The following LPAR1 variants were observed in gnomAD, a reference collection of about 807,000 sequenced individuals.
LPAR1 encodes lysophosphatidic acid receptor 1.
A neutral mutation model predicts 23.8 loss-of-function variants in LPAR1; 5 were observed. That is an observed-to-expected ratio of 0.21 (90% CI 0.11 to 0.44). LPAR1 has a LOEUF of 0.44. Ranked by LOEUF, LPAR1 falls within the 20% of genes least tolerant of loss-of-function variation. The pLI is 0.99. For missense variants in LPAR1, 311 were observed against 482.8 expected, an observed-to-expected ratio of 0.64 and a Z score of 3.33; for synonymous variants, 160 against 164.7, an observed-to-expected ratio of 0.97 and a Z score of 0.22.
chr9:110,918,834 G>A lies in LPAR1; in HGVS notation c.793+22587C>T, dbSNP rs73655677. Among the ~76,000 whole-genome samples, 858 of 152,034 alleles carry A rather than the reference G, an allele frequency of 5.6e-3. 7 individuals carry two copies. The highest frequency in any genetic ancestry group is 0.019 in the African/African-American group (796 of 41,484). On this transcript the variant is annotated intron_variant, in intron 5 of 5. Transcript: ENST00000683809. ...TAAATACATAACATTCCATCCTTTAGCCTTCAACCTAACAACATCAATTCC... is the reference window on the plus strand; with the variant it reads ...TAAATACATAACATTCCATCCTTTAACCTTCAACCTAACAACATCAATTCC...
intron 5 of LPAR1, among the ~76,000 whole-genome samples, chr9:110,930,243 G>A (rs1047002739): frequency 7.2e-5 from 11 of 152,222 alleles, no homozygotes; most frequent in East Asian, 3.9e-4. Flanking sequence ...TCCACCGGAC[G>A]TGGTGGCTCA....
In LPAR1 at chr9:110,965,806, A is replaced by C. The variant is rs2096198197; in HGVS notation, c.45+6267T>G. The stretch of plus-strand genomic sequence containing the variant: ...CGAAGGATTATAAATCATTTCTACT[A>C]TGAAGACACATGCACACGCATGTTT... On this transcript the variant is annotated intron_variant, in intron 4 of 5. Transcript: ENST00000683809. 3.9e-5 allele frequency among the ~76,000 whole-genome samples: 6 copies of C among 152,368 alleles called. No homozygotes were observed. The South Asian group carries it at 1.2e-3, about 32-fold the overall frequency.
intron 2 of LPAR1, among the ~76,000 whole-genome samples, chr9:111,004,604 A>G (rs2097181802): frequency 6.6e-6 from 1 of 152,068 alleles, no homozygotes; most frequent in Non-Finnish European, 1.5e-5. Flanking sequence ...TGCCCTACTC[A>G]CAACACCATG....
intron 2 of LPAR1, among the ~76,000 whole-genome samples, chr9:110,988,032 G>C (rs2096824590): frequency 6.6e-6 from 1 of 151,910 alleles, no homozygotes; most frequent in Admixed American, 6.6e-5. Context: ...AATGACAGCA[G>C]ATTTCTCATC....
chr9:111,007,841 C>A (rs772216539), intron 2 of LPAR1, among the ~76,000 whole-genome samples: 3 of 152,014 alleles, frequency 2.0e-5, no homozygotes, highest in Non-Finnish European at 4.4e-5. Flanking sequence ...AAACTATATC[C>A]GGGAAATTGA....
chr9:111,020,856 C>T (rs1314954340), intron 2 of LPAR1, among the ~76,000 whole-genome samples: 2 of 152,206 alleles, frequency 1.3e-5, no homozygotes, highest in East Asian at 1.9e-4. Context: ...ACTGATGAAT[C>T]AGCACCAAAA....
rs1004780802 is a variant in LPAR1 at position 110,913,528 on chromosome 9, C to A, written c.793+27893G>T. Among the ~76,000 whole-genome samples, 3 of 151,016 alleles carry A rather than the reference C, an allele frequency of 2.0e-5. No homozygotes were observed. The Admixed American group carries it at 2.0e-4, about 10-fold the overall frequency. ...ATATATATATGTATATGTACACACA[C>A]ATGTGTATCAAGTTCATTTTAATAA... On this transcript the variant is annotated intron_variant, in intron 5 of 5. Transcript: ENST00000683809.
chr9:111,002,063 T>G (rs914144731), intron 2 of LPAR1, among the ~76,000 whole-genome samples: 4 of 152,204 alleles, frequency 2.6e-5, no homozygotes, highest in African/African-American at 9.6e-5. Context: ...TTTTAACATA[T>G]GCTAACCTTC....
intron 2 of LPAR1, among the ~76,000 whole-genome samples, chr9:111,003,269 A>G (rs2097161130): frequency 1.3e-5 from 2 of 152,136 alleles, no homozygotes; most frequent in African/African-American, 4.8e-5. Flanking sequence ...TCAGTCACAA[A>G]CAGAGAAGGC....
intron 5 of LPAR1, among the ~76,000 whole-genome samples, chr9:110,901,278 C>T (rs181070581): frequency 1.3e-4 from 20 of 152,304 alleles, no homozygotes; most frequent in African/African-American, 4.8e-4. Context: ...CTCACGTTCC[C>T]ACTACGACAA....
At chr9:110,974,924 T>C (rs1473614795) in intron 2 of LPAR1, among the ~76,000 whole-genome samples, 1 of 152,198 alleles carries the variant, frequency 6.6e-6, no homozygotes, top group Non-Finnish European at 1.5e-5. Flanking sequence ...CACTCCTACT[T>C]TCATTTTTCC....
chr9:110,904,755 C>T lies in LPAR1; in HGVS notation c.794-29033G>A, dbSNP rs73655668. 9.6e-3 allele frequency among the ~76,000 whole-genome samples: 1,462 copies of T among 152,322 alleles called. 18 individuals carry two copies. The highest frequency in any genetic ancestry group is 0.032 in the African/African-American group (1,317 of 41,574). ...TGGCTGGAGAAGTAGGTCTGGCAGA[C>T]AACCTGGACCACACCCAGTGATAAT... On this transcript the variant is annotated intron_variant, in intron 5 of 5. Coordinates refer to ENST00000683809, the MANE Select transcript of LPAR1 (RefSeq NM_001351411.2).
intron 5 of LPAR1, among the ~76,000 whole-genome samples, chr9:110,921,585 AC>A: frequency 6.6e-6 from 1 of 152,296 alleles, no homozygotes; most frequent in African/African-American, 2.4e-5. Flanking sequence ...TAAGTAGTAA[AC>A]CTATGATAAA....
chr9:111,020,232 A>T (rs2097537565), intron 2 of LPAR1, among the ~76,000 whole-genome samples: 1 of 152,218 alleles, frequency 6.6e-6, no homozygotes, highest in Non-Finnish European at 1.5e-5. Context: ...TTTATAATAA[A>T]TCTCTTGTAG....
At chr9:110,883,829 C>T (rs544289866) in intron 5 of LPAR1, among the ~76,000 whole-genome samples, 131 of 152,288 alleles carry the variant, frequency 8.6e-4, no homozygotes, top group Non-Finnish European at 1.5e-3. Flanking sequence ...CTAACCCAAT[C>T]GAACCCATTG....
At chr9:111,007,875 G>A (rs1209701321) in intron 2 of LPAR1, among the ~76,000 whole-genome samples, 1 of 152,094 alleles carries the variant, frequency 6.6e-6, no homozygotes, top group Non-Finnish European at 1.5e-5. Flanking sequence ...GTTTCGAGAA[G>A]TGGTATTAAT....
intron 5 of LPAR1, chr9:110,934,359 T>C (rs1247198642): frequency 1.3e-5 from 2 of 151,932 alleles, no homozygotes; most frequent in African/African-American, 2.4e-5. Flanking sequence ...GCCACTCCCT[T>C]TAATGGGGGA....
chr9:110,978,936 T>C (rs1212653220), intron 2 of LPAR1, among the ~76,000 whole-genome samples: 2 of 151,942 alleles, frequency 1.3e-5, no homozygotes, highest in Non-Finnish European at 2.9e-5. Context: ...GAGAGGGAGT[T>C]GGGAAGATGT....
At position 110,873,688 on chromosome 9, in the gene LPAR1, C is replaced by T. The variant is rs2078557819; in HGVS notation, c.*1733G>A. 1 of 152,214 alleles carries T rather than the reference C, an allele frequency of 6.6e-6. No homozygotes were observed. Among genetic ancestry groups the T allele is most frequent in the Non-Finnish European group, 1.5e-5 (1 of 68,048 alleles). 9.4% of individuals were successfully genotyped at this position (152,214 alleles called of 1,614,324 possible). On this transcript the variant is annotated 3_prime_UTR_variant, in exon 6 of 6. Coordinates refer to ENST00000683809, the MANE Select transcript of LPAR1 (RefSeq NM_001351411.2). ...AGGTATCACCTAATAGGGTGGCAGC[C>T]TATCGGGGTGATTCCTGGCGAATAC... is the stretch of plus-strand genomic sequence containing the variant.
Sources: gnomAD v4.1 joint callset for allele counts (sites outside exome capture counted in the v4.1 genomes callset) on GRCh38, gnomAD v4.1.1 for gene constraint, MANE v1.5 for transcripts, NCBI Gene and HGNC (gene_info 2026-07-23, HGNC 2026-07-21) for gene names.